The following HEATR3 variants were observed in gnomAD, a reference collection of about 807,000 sequenced individuals.
The protein encoded by HEATR3 is HEAT repeat containing 3.
HEATR3 carries 56 observed loss-of-function variants against 72.8 expected under a neutral mutation model. The observed-to-expected ratio is 0.77, with a 90% CI of 0.62 to 0.96. The LOEUF (loss-of-function observed/expected upper bound fraction) is 0.96, where lower values mean the gene tolerates loss of function less well. HEATR3 is among the 40% of genes least tolerant of loss of function. The pLI is 0.00. For synonymous variants in HEATR3, 331 were observed against 318.1 expected (o/e 1.04, Z -0.43); for missense variants, 747 against 831.4 (o/e 0.90, Z 1.25).
intron 6 of HEATR3, among the ~76,000 whole-genome samples, chr16:50,076,516 A>G (rs1277114506): frequency 6.6e-6 from 1 of 151,840 alleles, no homozygotes; most frequent in Non-Finnish European, 1.5e-5. Flanking sequence ...GTGGAAAAAT[A>G]CACATGAAAT....
chr16:50,085,147 C>T (rs2036961093), intron 10 of HEATR3, among the ~76,000 whole-genome samples: 2 of 151,568 alleles, frequency 1.3e-5, no homozygotes, highest in East Asian at 3.9e-4. Context: ...CCATAGAAGT[C>T]TGTATGGTGC....
intron 11 of HEATR3, among the ~76,000 whole-genome samples, chr16:50,087,869 G>A (rs1435347504): frequency 6.6e-6 from 1 of 152,284 alleles, no homozygotes; most frequent in Admixed American, 6.5e-5. Flanking sequence ...GCTCACACCT[G>A]TAATCCCAGC....
At position 50,078,022 on chromosome 16, in the gene HEATR3, G is replaced by C. The variant is rs571610116; in HGVS notation, c.764-719G>C. Among the ~76,000 whole-genome samples the C allele has an allele frequency of 1.4e-3, 212 of 151,506 alleles. 1 individual carries two copies. The highest frequency in any genetic ancestry group is 4.8e-3 in the African/African-American group (200 of 41,320). On this transcript the variant is annotated intron_variant, in intron 6 of 14. Coordinates refer to ENST00000299192, the MANE Select transcript of HEATR3 (RefSeq NM_182922.4). ...CTCCCAAGTAGCTGGGATTACAAGC[G>C]CCCACCACCACGCCTGGCTGATTTT...
intron 4 of HEATR3, among the ~76,000 whole-genome samples, chr16:50,072,149 T>C (rs1047472220): frequency 6.6e-6 from 1 of 152,190 alleles, no homozygotes; most frequent in African/African-American, 2.4e-5. Flanking sequence ...TTATCCTCCT[T>C]TAACTTGTTA....
intron 7 of HEATR3, 83 bp from the exon 8 acceptor site, chr16:50,083,854 G>A (rs977732776): frequency 1.6e-6 from 2 of 1,272,800 alleles, no homozygotes; most frequent in African/African-American, 3.0e-5. Flanking sequence ...AAATCTTCTA[G>A]TAGGCTTTCA....
intron 5 of HEATR3, among the ~76,000 whole-genome samples, 155 bp from the exon 6 acceptor site, chr16:50,075,416 G>A (rs561959221): frequency 2.0e-5 from 3 of 152,050 alleles, no homozygotes; most frequent in South Asian, 2.1e-4. Context: ...CCTCATTTGC[G>A]CATATCACCC....
chr16:50,073,219 C>G (rs1215138885), intron 5 of HEATR3: 1 of 153,654 alleles, frequency 6.5e-6, no homozygotes, highest in Non-Finnish European at 1.4e-5. Context: ...AAGGCAAAGT[C>G]CAGCAACTTC....
intron 2 of HEATR3, among the ~76,000 whole-genome samples, chr16:50,068,187 G>A (rs2036539294): frequency 6.6e-6 from 1 of 152,180 alleles, no homozygotes; most frequent in Admixed American, 6.5e-5. Context: ...TATCCTTAGG[G>A]ACTAGCACAG....
At chr16:50,093,663 G>A (rs1187351056) in intron 11 of HEATR3, among the ~76,000 whole-genome samples, 1 of 152,146 alleles carries the variant, frequency 6.6e-6, no homozygotes, top group African/African-American at 2.4e-5. Context: ...TGGAAGACTC[G>A]CAGAGTATGG....
intron 11 of HEATR3, among the ~76,000 whole-genome samples, chr16:50,093,062 C>T (rs2037155278): frequency 6.6e-6 from 1 of 152,118 alleles, no homozygotes; most frequent in East Asian, 1.9e-4. Flanking sequence ...GTGTGTAAAG[C>T]TCTCCTATTA....
intron 11 of HEATR3, among the ~76,000 whole-genome samples, chr16:50,087,419 A>C (rs201508270): frequency 6.6e-6 from 1 of 152,224 alleles, no homozygotes; most frequent in East Asian, 1.9e-4. Context: ...AACAAAAAAA[A>C]CAAAAACTAG....
intron 11 of HEATR3, among the ~76,000 whole-genome samples, chr16:50,087,867 C>G (rs546207467): frequency 1.5e-4 from 23 of 152,264 alleles, no homozygotes; most frequent in Middle Eastern, 6.8e-3. Context: ...TGGCTCACAC[C>G]TGTAATCCCA....
intron 4 of HEATR3, among the ~76,000 whole-genome samples, chr16:50,072,209 CTAGG>C (rs1472428658): frequency 6.6e-6 from 1 of 152,146 alleles, no homozygotes; most frequent in Non-Finnish European, 1.5e-5. Context: ...CCCAGGGAAC[CTAGG>C]TACTGGGCCT....
In HEATR3 at chr16:50,083,945, C is replaced by A. The variant is rs749343192; in HGVS notation, c.1050C>A (p.Asp350Glu). ...TTTTTTTTTTTTTTAAGCCCACTGA[C>A]AAGGAACTGAGAGAGACTATAGCAT... ...TFVSDLLPPT[D>E]KELRETIALL... The change falls in exon 8 of 15, where the codon GAC becomes GAA. Residue 350 changes from aspartate (D) to glutamate (E), a missense_variant. By Grantham distance (45) the Asp-to-Glu change is conservative (BLOSUM62 2). This residue lies in a region of HEATR3 where 586 missense variants were observed against 708.8 expected (regional missense o/e 0.83). Coordinates refer to ENST00000299192, the MANE Select transcript of HEATR3 (RefSeq NM_182922.4). 6.3e-7 allele frequency: 1 copy of A among 1,593,638 alleles called. No homozygotes were observed. Among genetic ancestry groups the A allele is most frequent in the Non-Finnish European group, 8.6e-7 (1 of 1,168,300 alleles).
rs2036711438 is a variant in HEATR3 at position 50,075,693 on chromosome 16, T to C, written c.745T>C (p.Leu249=). 9.9e-6 allele frequency: 16 copies of C among 1,613,090 alleles called. No individual in the cohort carries two copies. Among genetic ancestry groups the C allele is most frequent in the Non-Finnish European group, 1.4e-5 (16 of 1,179,258 alleles). Residue 249 remains leucine (L), a synonymous_variant, in exon 6 of 15, where the codon TTG becomes CTG. Transcript: ENST00000299192. Reference sequence around the variant, plus strand: ...TGTCAGTTCCATGGAATCTCTTCTATTGAAGACATTGGTAGCAGGTAAAAT... The same window carrying C: ...TGTCAGTTCCATGGAATCTCTTCTACTGAAGACATTGGTAGCAGGTAAAAT... ...SPVSSMESLL[L]KTLVAGTIWN...
chr16:50,094,119 C>T (rs184789682), intron 11 of HEATR3, among the ~76,000 whole-genome samples: 17 of 152,312 alleles, frequency 1.1e-4, no homozygotes, highest in Admixed American at 9.8e-4. Flanking sequence ...TTGCACGTGC[C>T]TGTGCCAGCA....
Position 50,084,206 on chromosome 16 carries a change from G to T in HEATR3, c.1205G>T (p.Ser402Ile). ...ESDAFMENSF[S>I]ECGGQLFSPL... ...GACGCATTTATGGAGAATTCCTTCA[G>T]TGAGTGCGGGGGACAGCTGTTTTCT... is the stretch of plus-strand genomic sequence containing the variant. Residue 402 changes from serine (S) to isoleucine (I), a missense_variant, in exon 9 of 15, where the codon AGT becomes ATT. Transcript: ENST00000299192. 6.2e-7 allele frequency: 1 copy of T among 1,614,198 alleles called. No individual in the cohort carries two copies. The highest frequency in any genetic ancestry group is 8.5e-7 in the Non-Finnish European group (1 of 1,180,026).
At chr16:50,090,260 G>A (rs951149678) in intron 11 of HEATR3, among the ~76,000 whole-genome samples, 5 of 152,030 alleles carry the variant, frequency 3.3e-5, no homozygotes, top group African/African-American at 1.2e-4. Context: ...AAGCTGAAGT[G>A]GGAGGATTGC....
intron 7 of HEATR3, among the ~76,000 whole-genome samples, chr16:50,082,144 C>T (rs1597152476): frequency 6.6e-6 from 1 of 152,078 alleles, no homozygotes; most frequent in East Asian, 1.9e-4. Flanking sequence ...GAGTTCAAGA[C>T]CTGCCTGGCC....
Sources: gnomAD v4.1 joint callset for allele counts (sites outside exome capture counted in the v4.1 genomes callset) on GRCh38, gnomAD v4.1.1 for gene constraint, gnomAD v4.1.1 regional missense constraint, MANE v1.5 for transcripts, NCBI Gene and HGNC (gene_info 2026-07-23, HGNC 2026-07-21) for gene names.